ATPAF1: variants seen among roughly 807,000 people sequenced by gnomAD.
ATPAF1 encodes homolog of yeast ATP11.
Under a neutral mutation model 43.9 loss-of-function variants are expected in ATPAF1, and 26 were observed. The observed-to-expected ratio is 0.59, with a 90% CI of 0.43 to 0.82. The LOEUF (loss-of-function observed/expected upper bound fraction) is 0.82. Among genes scored for constraint, ATPAF1 ranks in the 40% least tolerant of loss-of-function variants. The pLI is 0.00. For synonymous variants in ATPAF1, 157 were observed against 168.0 expected, an observed-to-expected ratio of 0.93 and a Z score of 0.50; for missense variants, 366 against 435.0, an observed-to-expected ratio of 0.84 and a Z score of 1.41.
intron 2 of ATPAF1, among the ~76,000 whole-genome samples, chr1:46,659,616 CATTATCTCTCAT>C (rs765165331): frequency 1.3e-5 from 2 of 152,114 alleles, no homozygotes; most frequent in Non-Finnish European, 1.5e-5. Context: ...GTCTCGTAGC[CATTATCTCTCAT>C]AAAGGTCATA....
chr1:46,668,406 G>C, upstream of ATPAF1: 1 of 1,181,348 alleles, frequency 8.5e-7, no homozygotes, highest in Non-Finnish European at 1.0e-6. This position sits in a 1 kb window ranked among gnomAD's most constrained non-coding sequence, Gnocchi z 4.4. Context: ...CTCCGAGTGC[G>C]CCGCGCCCGC....
chr1:46,646,689 A>G (rs745695892), intron 6 of ATPAF1, among the ~76,000 whole-genome samples: 2 of 152,170 alleles, frequency 1.3e-5, no homozygotes, highest in African/African-American at 4.8e-5. Context: ...TTTTTTTTAC[A>G]GCTTTATTGA....
intron 1 of ATPAF1, chr1:46,666,376 C>T (rs1676491732): frequency 6.6e-6 from 1 of 152,350 alleles, no homozygotes; most frequent in South Asian, 2.1e-4. Flanking sequence ...CAGGGTCAAC[C>T]CTGCTAGTGG....
chr1:46,659,507 A>G (rs1188387708), intron 2 of ATPAF1, among the ~76,000 whole-genome samples: 1 of 150,986 alleles, frequency 6.6e-6, no homozygotes, highest in African/African-American at 2.4e-5. Flanking sequence ...AGGCATCCTC[A>G]GCAGACTAGA....
At chr1:46,660,322 C>T (rs534711734) in intron 2 of ATPAF1, among the ~76,000 whole-genome samples, 27 of 152,052 alleles carry the variant, frequency 1.8e-4, no homozygotes, top group African/African-American at 4.6e-4. Context: ...ACCATGAAAA[C>T]GAAACAAAAA....
chr1:46,663,728 A>C, intron 2 of ATPAF1: 1 of 507,000 alleles, frequency 2.0e-6, no homozygotes, highest in Non-Finnish European at 2.7e-6. Flanking sequence ...GATTCACTTA[A>C]AATTCAGGAT....
At chr1:46,643,647 T>C (rs925562724) in intron 7 of ATPAF1, among the ~76,000 whole-genome samples, 2 of 152,236 alleles carry the variant, frequency 1.3e-5, no homozygotes, top group African/African-American at 2.4e-5. Flanking sequence ...CCTGTGTAAT[T>C]GCCACTTTCA....
chr1:46,646,161 AAGT>A (rs1425823890), intron 6 of ATPAF1, among the ~76,000 whole-genome samples: 2 of 152,204 alleles, frequency 1.3e-5, no homozygotes, highest in Admixed American at 6.5e-5. Context: ...ATTTTTTTTA[AAGT>A]AGTAGTTTAT....
intron 4 of ATPAF1, among the ~76,000 whole-genome samples, chr1:46,655,688 T>G (rs1237614299): frequency 6.6e-6 from 1 of 152,160 alleles, no homozygotes; most frequent in Non-Finnish European, 1.5e-5. Flanking sequence ...CATGCCTTTT[T>G]ACATGTTATT....
chr1:46,646,078 G>A (rs60173509), intron 6 of ATPAF1, among the ~76,000 whole-genome samples: 39,922 of 152,196 alleles, frequency 0.26, 5,540 homozygotes, highest in East Asian at 0.38. Context: ...CGGGGGCTGA[G>A]GCAGGAGGAC....
chr1:46,663,790 C>A, intron 2 of ATPAF1: 2 of 1,118,034 alleles, frequency 1.8e-6, no homozygotes, highest in Non-Finnish European at 2.2e-6. Context: ...TCTAATTTGA[C>A]TTTAAAACAC....
At chr1:46,649,850 GA>G (rs1402602428) in intron 6 of ATPAF1, among the ~76,000 whole-genome samples, 2 of 152,002 alleles carry the variant, frequency 1.3e-5, no homozygotes, top group Non-Finnish European at 2.9e-5. Flanking sequence ...TGCTTCAGCT[GA>G]AGAGATTGAG....
In ATPAF1 at chr1:46,660,328, A is replaced by G. The variant is rs149444834; in HGVS notation, c.376-1591T>C. On this transcript the variant is annotated intron_variant, in intron 2 of 8. Coordinates refer to ENST00000574428, the Ensembl canonical transcript of ATPAF1. ...CTCAGGTGTACCATGAAAACGAAAC[A>G]AAAACAAAACAAAACCTCCACTTGC... 9.7e-4 allele frequency among the ~76,000 whole-genome samples: 148 copies of G among 152,310 alleles called. 2 individuals are homozygous for G. The East Asian group carries it at 0.024, about 24-fold the overall frequency.
In ATPAF1 at chr1:46,668,023, C is replaced by T; in HGVS notation, c.266+34G>A. 7.5e-7 allele frequency: 1 copy of T among 1,338,218 alleles called. No individual in the cohort carries two copies. Among genetic ancestry groups the T allele is most frequent in the Non-Finnish European group, 9.5e-7 (1 of 1,047,860 alleles). 82.9% of individuals were successfully genotyped at this position (1,338,218 alleles called of 1,614,324 possible). A position where few individuals can be genotyped will look rare whatever the true frequency, so the allele number is the denominator to read the frequency against. The stretch of plus-strand genomic sequence containing the variant: ...CAGCCCGGGCCGCCCCTCCTCCCGC[C>T]TCCTGCCCGCCTCCAGCCAACCCAG... On this transcript the variant is annotated intron_variant, in intron 1 of 8. Coordinates refer to ENST00000574428, the Ensembl canonical transcript of ATPAF1. This position sits in a 1 kb window ranked among gnomAD's most constrained non-coding sequence, Gnocchi z 4.4.
upstream of ATPAF1, chr1:46,668,495 G>A (rs969717253): frequency 1.6e-5 from 13 of 830,342 alleles, no homozygotes; most frequent in African/African-American, 1.8e-5. The surrounding 1 kb of genome is among the most constrained non-coding windows in gnomAD (Gnocchi z 4.4). Context: ...GAGGGGGCGC[G>A]CCGCTCTGGC....
At chr1:46,666,454 G>A (rs1676493192) in intron 1 of ATPAF1, 1 of 152,466 alleles carries the variant, frequency 6.6e-6, no homozygotes. Flanking sequence ...GGGCAGTGAA[G>A]CTGTTGCTGG....
rs149212710 is a variant in ATPAF1, at chr1:46,665,435, T to G, written c.267-71A>C. The G allele has an allele frequency of 2.5e-4, 378 of 1,492,452 alleles. 3 individuals are homozygous for G. In the East Asian group the frequency reaches 8.2e-3, roughly 33 times the overall value. The allele number at this position is 1,492,452 out of a possible 1,614,324, so 92.5% of individuals were successfully genotyped here. On this transcript the variant is annotated intron_variant, in intron 1 of 8. Coordinates refer to ENST00000574428, the Ensembl canonical transcript of ATPAF1. The stretch of plus-strand genomic sequence containing the variant: ...ATTCTAAAATAACAAAGCATCACTT[T>G]CCACCTCTACAGAGAAAGGACACTG...
At chr1:46,654,206 A>G (rs1676221500) in intron 4 of ATPAF1, among the ~76,000 whole-genome samples, 1 of 152,100 alleles carries the variant, frequency 6.6e-6, no homozygotes, top group Non-Finnish European at 1.5e-5. Context: ...CTCCCCAGCC[A>G]ACTGAGCCTT....
chr1:46,652,478 G>T, intron 6 of ATPAF1, 103 bp downstream of exon 6: 1 of 1,144,444 alleles, frequency 8.7e-7, no homozygotes, highest in Non-Finnish European at 1.3e-6. Flanking sequence ...AGTAAACAGA[G>T]CACTATAACA....
Sources: gnomAD v4.1 joint callset for allele counts (sites outside exome capture counted in the v4.1 genomes callset) on GRCh38, gnomAD v4.1.1 for gene constraint, Gnocchi (gnomAD v3.1) non-coding constraint, MANE v1.5 for transcripts, NCBI Gene and HGNC (gene_info 2026-07-23, HGNC 2026-07-21) for gene names.